MOG: variants seen among roughly 807,000 people sequenced by gnomAD.
MOG encodes myelin-oligodendrocyte glycoprotein.
A neutral mutation model predicts 35.9 loss-of-function variants in MOG; 20 were observed. The observed-to-expected ratio is 0.56, with a 90% CI of 0.39 to 0.81. MOG has a LOEUF of 0.81. Ranked by LOEUF, MOG falls within the 30% of genes least tolerant of loss-of-function variation. The probability of loss-of-function intolerance (pLI) is 0.00; values close to 1 mark genes in which losing one functional copy is unlikely to be tolerated. For missense variants in MOG, 251 were observed against 301.0 expected (o/e 0.83, Z 1.23); for synonymous variants, 92 against 114.3 (o/e 0.80, Z 1.25).
chr6:29,670,804 A>G lies in MOG; in HGVS notation c.730+83A>G. ...AAGCAACAAGAGGAAGAGGCGGGCTATTGAGGGATCACATTCCCAGAGGAA... is the reference window on the plus strand; with the variant it reads ...AAGCAACAAGAGGAAGAGGCGGGCTGTTGAGGGATCACATTCCCAGAGGAA... On this transcript the variant is annotated intron_variant, in intron 7 of 7. Coordinates refer to ENST00000376917, the MANE Select transcript of MOG (RefSeq NM_206809.4). This position sits in a 1 kb window ranked among gnomAD's most constrained non-coding sequence, Gnocchi z 4.2. 1 of 1,591,640 alleles carries G rather than the reference A, an allele frequency of 6.3e-7. No individual in the cohort carries two copies. The highest frequency in any genetic ancestry group is 1.7e-4 in the Middle Eastern group (1 of 6,036).
rs1771685711 is a variant in MOG, at chr6:29,672,337, A to AAATAAATAAAT, written c.*1157_*1158insATAAATAATAA. 3.0e-6 allele frequency: 1 copy of AAATAAATAAAT among 336,050 alleles called. No homozygotes were observed. Among genetic ancestry groups the AAATAAATAAAT allele is most frequent in the African/African-American group, 2.4e-5 (1 of 42,382 alleles). The allele number at this position is 336,050 out of a possible 1,614,324, so 20.8% of individuals were successfully genotyped here. Reference sequence around the variant, plus strand: ...ATAAATAAATAAATAAATAAATAAAAAATAATAATACAAGTTTTCATAAGC... The same window carrying AAATAAATAAAT: ...ATAAATAAATAAATAAATAAATAAAAAATAAATAAATAATAATAATACAAGTTTTCATAAGC... On this transcript the variant is annotated 3_prime_UTR_variant, in exon 8 of 8. Coordinates refer to ENST00000376917, the MANE Select transcript of MOG (RefSeq NM_206809.4).
At chr6:29,663,453 G>A (rs1174204842) in intron 2 of MOG, among the ~76,000 whole-genome samples, 1 of 152,066 alleles carries the variant, frequency 6.6e-6, no homozygotes, top group African/African-American at 2.4e-5. Flanking sequence ...CTTTTAGCGA[G>A]ATTCAAATGA....
At chr6:29,660,014 G>A in intron 2 of MOG, 1 of 366,738 alleles carries the variant, frequency 2.7e-6, no homozygotes, top group Non-Finnish European at 5.1e-6. Flanking sequence ...ATAAGAGCAA[G>A]CTGCTGTAGG....
In MOG at chr6:29,659,514, G is replaced by C. The variant is rs752019554; in HGVS notation, c.284G>C (p.Arg95Pro). Residue 95 changes from arginine to proline, a missense_variant, in exon 2 of 8, where the codon CGG becomes CCG. Arg to Pro is a moderately radical substitution (Grantham distance 103). Coordinates refer to ENST00000376917, the MANE Select transcript of MOG (RefSeq NM_206809.4). ...GATGGAGACCAGGCACCTGAATATCGGGGCCGGACAGAGCTGCTGAAAGAT... is the reference window on the plus strand; with the variant it reads ...GATGGAGACCAGGCACCTGAATATCCGGGCCGGACAGAGCTGCTGAAAGAT... The part of the protein sequence containing the change: ...DQDGDQAPEY[R>P]GRTELLKDAI... The C allele has an allele frequency of 3.8e-5, 62 of 1,612,916 alleles. No homozygotes were observed. Among genetic ancestry groups the C allele is most frequent in the Non-Finnish European group, 3.6e-5 (42 of 1,180,036 alleles).
In MOG at chr6:29,666,235, A is replaced by G. The variant is rs3130253; in HGVS notation, c.520A>G (p.Ile174Val). The change falls in exon 3 of 8, where the codon ATC becomes GTC. Residue 174 changes from isoleucine to valine, a missense_variant. Ile to Val is a conservative substitution (Grantham distance 29). Coordinates refer to ENST00000376917, the MANE Select transcript of MOG (RefSeq NM_206809.4). Reference sequence around the variant, plus strand: ...CCTCCTGCAGATCACTGTTGGCCTCATCTTCCTCTGCCTGCAGTACAGACT... The same window carrying G: ...CCTCCTGCAGATCACTGTTGGCCTCGTCTTCCTCTGCCTGCAGTACAGACT... Reference protein sequence around the residue: ...VLLLQITVGLIFLCLQYRLRG... With the variant: ...VLLLQITVGLVFLCLQYRLRG... The G allele has an allele frequency of 0.92, 1,489,985 of 1,611,296 alleles. 689,855 individuals carry two copies. Among genetic ancestry groups the G allele is most frequent in the East Asian group, 1 (44,818 of 44,874 alleles).
At position 29,657,117 on chromosome 6, in the gene MOG, T is replaced by C. The variant is rs9468571; in HGVS notation, c.-93T>C. 0.055 allele frequency: 51,225 copies of C among 926,308 alleles called. 2,121 individuals carry two copies. The highest frequency in any genetic ancestry group is 0.17 in the African/African-American group (10,437 of 61,634). 57.4% of individuals were successfully genotyped at this position (926,308 alleles called of 1,614,324 possible). On this transcript the variant is annotated 5_prime_UTR_variant, in exon 1 of 8. Coordinates refer to ENST00000376917, the MANE Select transcript of MOG (RefSeq NM_206809.4). ...AGCACTGCCCTCCAAGATCTTCCCT[T>C]GGGCTTTTCAGCAGTAAGGGGACAT...
intron 2 of MOG, among the ~76,000 whole-genome samples, chr6:29,664,242 T>C (rs1243478117): frequency 6.6e-6 from 1 of 151,842 alleles, no homozygotes; most frequent in Non-Finnish European, 1.5e-5. Flanking sequence ...AGTTTTGCTC[T>C]TGTTACCCAG....
Position 29,659,478 on chromosome 6 carries a change from G to A in MOG, c.248G>A (p.Gly83Asp). The A allele has an allele frequency of 6.2e-7, 1 of 1,613,066 alleles. No individual in the cohort carries two copies. Among genetic ancestry groups the A allele is most frequent in the Non-Finnish European group, 8.5e-7 (1 of 1,180,034 alleles). ...FSRVVHLYRNGKDQDGDQAPE... is the reference protein window; with the variant it reads ...FSRVVHLYRNDKDQDGDQAPE... The stretch of plus-strand genomic sequence containing the variant: ...AGGGTGGTTCATCTCTACAGAAATG[G>A]CAAGGACCAAGATGGAGACCAGGCA... The change falls in exon 2 of 8, where the codon GGC becomes GAC. Residue 83 changes from glycine to aspartate, a missense_variant. Gly to Asp is a moderately conservative substitution (Grantham distance 94). Coordinates refer to ENST00000376917, the MANE Select transcript of MOG (RefSeq NM_206809.4).
At chr6:29,665,605 T>C (rs1770036948) in intron 2 of MOG, among the ~76,000 whole-genome samples, 1 of 149,572 alleles carries the variant, frequency 6.7e-6, no homozygotes, top group African/African-American at 2.5e-5. Context: ...TGTTGTTTTT[T>C]ACTTTAATTG....
At position 29,666,414 on chromosome 6, in the gene MOG, G is replaced by A. The variant is rs1348735006; in HGVS notation, c.550+149G>A. ...TGATAAAGAAAAAAAATAACTCCAT[G>A]ATGAAAGAGTTTTACATCTTACGGA... On this transcript the variant is annotated intron_variant, in intron 3 of 7. Coordinates refer to ENST00000376917, the MANE Select transcript of MOG (RefSeq NM_206809.4). The A allele has an allele frequency of 6.6e-6, 4 of 609,292 alleles. No individual in the cohort carries two copies. In the Admixed American group the frequency reaches 1.2e-4, roughly 18 times the overall value. The allele number at this position is 609,292 out of a possible 1,614,324, so 37.7% of individuals were successfully genotyped here.
intron 5 of MOG, among the ~76,000 whole-genome samples, chr6:29,669,288 C>T (rs1421057688): frequency 2.3e-5 from 3 of 130,856 alleles, no homozygotes; most frequent in African/African-American, 8.6e-5. Context: ...CCTGTAATTT[C>T]TTTCTTTCTT....
intron 1 of MOG, 62 bp downstream of exon 1, chr6:29,657,359 G>A: frequency 8.0e-7 from 1 of 1,245,466 alleles, no homozygotes; most frequent in Non-Finnish European, 1.1e-6. Context: ...TAGTTTCCTG[G>A]GGCTTAGCTC....
At position 29,670,838 on chromosome 6, in the gene MOG, C is replaced by G; in HGVS notation, c.730+117C>G. On this transcript the variant is annotated intron_variant, in intron 7 of 7. Transcript: ENST00000376917. This position sits in a 1 kb window ranked among gnomAD's most constrained non-coding sequence, Gnocchi z 4.2. ...TCACATTCCCAGAGGAAAGGAGGAG[C>G]TGGAGAGCCTGGGTGGAGGGAAGAC... 1.3e-6 allele frequency: 2 copies of G among 1,579,730 alleles called. No individual in the cohort carries two copies. Among genetic ancestry groups the G allele is most frequent in the Non-Finnish European group, 1.7e-6 (2 of 1,161,798 alleles).
At position 29,659,423 on chromosome 6, in the gene MOG, GA is replaced by G. The variant is rs1562178359; in HGVS notation, c.194del (p.Glu65GlyfsTer37). 6.2e-7 allele frequency: 1 copy of G among 1,613,054 alleles called. No homozygotes were observed. The highest frequency in any genetic ancestry group is 1.1e-5 in the South Asian group (1 of 91,076). On this transcript the variant is annotated frameshift_variant, in exon 2 of 8. Coordinates refer to ENST00000376917, the MANE Select transcript of MOG (RefSeq NM_206809.4). LOFTEE classifies it high-confidence loss of function. Reference sequence around the variant, plus strand: ...TCCTGGGAAGAACGCTACAGGCATGGAGGTGGGGTGGTACCGCCCCCCCTTC... The same window carrying G: ...TCCTGGGAAGAACGCTACAGGCATGGGGTGGGGTGGTACCGCCCCCCCTTC... ...ISPGKNATGM[E>X]VGWYRPPFSR...
In MOG at chr6:29,662,099, A is replaced by G; in HGVS notation, c.436+2433A>G. The stretch of plus-strand genomic sequence containing the variant: ...CTGCTCTTTCTCTGAAGAGTTTCTA[A>G]TTTCTCTTGTTTACTTATTTTTTTC... On this transcript the variant is annotated intron_variant, in intron 2 of 7. Coordinates refer to ENST00000376917, the MANE Select transcript of MOG (RefSeq NM_206809.4). This position sits in a 1 kb window ranked among gnomAD's most constrained non-coding sequence, Gnocchi z 4.2. The G allele has an allele frequency of 2.0e-6, 2 of 985,166 alleles. No individual in the cohort carries two copies. Among genetic ancestry groups the G allele is most frequent in the Non-Finnish European group, 2.4e-6 (2 of 829,774 alleles). 61.0% of individuals were successfully genotyped at this position (985,166 alleles called of 1,614,324 possible).
At chr6:29,667,948 C>G in intron 5 of MOG, 24 bp downstream of exon 5, 1 of 1,612,594 alleles carries the variant, frequency 6.2e-7, no homozygotes, top group Non-Finnish European at 8.5e-7. Context: ...TGTCTAGGCC[C>G]TCCCAGGTCA....
Position 29,670,105 on chromosome 6 carries a change from A to G in MOG, c.593-176A>G. The stretch of plus-strand genomic sequence containing the variant: ...TTTAATGAAAGAAAATGTTAAATCC[A>G]GTTATTGAAAATAAGGAGGCAGTAC... On this transcript the variant is annotated intron_variant, in intron 5 of 7. Transcript: ENST00000376917. This position sits in a 1 kb window ranked among gnomAD's most constrained non-coding sequence, Gnocchi z 4.2. 1 of 1,063,548 alleles carries G rather than the reference A, an allele frequency of 9.4e-7. No homozygotes were observed. The allele number at this position is 1,063,548 out of a possible 1,614,324, so 65.9% of individuals were successfully genotyped here.
chr6:29,670,574 T>C lies in MOG; in HGVS notation c.710-127T>C, dbSNP rs1771250837. ...TCTGAGAAACTGTGAAGAGAACCAC[T>C]TACTGGATCTGTGGGATCCCCCAGT... is the stretch of plus-strand genomic sequence containing the variant. On this transcript the variant is annotated intron_variant, in intron 6 of 7. Coordinates refer to ENST00000376917, the MANE Select transcript of MOG (RefSeq NM_206809.4). This position sits in a 1 kb window ranked among gnomAD's most constrained non-coding sequence, Gnocchi z 4.2. 2.5e-6 allele frequency: 4 copies of C among 1,569,924 alleles called. No homozygotes were observed. The Admixed American group carries it at 7.4e-5, about 29-fold the overall frequency.
rs934444492 is a variant in MOG at position 29,671,467 on chromosome 6, C to T, written c.*282C>T. The T allele has an allele frequency of 1.1e-5, 16 of 1,523,500 alleles. No individual in the cohort carries two copies. The African/African-American group carries it at 2.1e-4, about 20-fold the overall frequency. 94.4% of individuals were successfully genotyped at this position (1,523,500 alleles called of 1,614,324 possible). On this transcript the variant is annotated 3_prime_UTR_variant, in exon 8 of 8. Coordinates refer to ENST00000376917, the MANE Select transcript of MOG (RefSeq NM_206809.4). ...TCTGGCTAAGGACAGGCAGGTGCCC[C>T]TCTCTCCATCAGAGGACACCTGTAC...
Sources: allele counts gnomAD v4.1 joint callset (sites outside exome capture counted in the v4.1 genomes callset), GRCh38; gene constraint gnomAD v4.1.1; non-coding constraint Gnocchi (gnomAD v3.1); transcripts MANE v1.5; gene names NCBI Gene and HGNC (gene_info 2026-07-23, HGNC 2026-07-21).